ARHGEF6: variants seen among roughly 807,000 people sequenced by gnomAD.
The protein encoded by ARHGEF6 is Rac/Cdc42 guanine nucleotide exchange factor 6.
A neutral mutation model predicts 70.3 loss-of-function variants in ARHGEF6; 9 were observed. The observed-to-expected ratio is 0.13, with a 90% CI of 0.08 to 0.22. ARHGEF6 has a LOEUF of 0.22. Ranked by LOEUF, ARHGEF6 falls within the 10% of genes least tolerant of loss-of-function variation. The probability of loss-of-function intolerance (pLI) is 1.00; values close to 1 mark genes in which losing one functional copy is unlikely to be tolerated. For missense variants in ARHGEF6, 470 were observed against 563.0 expected, an observed-to-expected ratio of 0.83 and a Z score of 1.67; for synonymous variants, 201 against 207.8, an observed-to-expected ratio of 0.97 and a Z score of 0.28.
At chrX:136,729,049 TC>T (rs2076903293) in intron 6 of ARHGEF6, among the ~76,000 whole-genome samples, 1 of 47,264 alleles carries the variant, frequency 2.1e-5, no homozygotes, top group Non-Finnish European at 3.5e-5. Context: ...TCTCTCTCTC[TC>T]TCTCCTCCCC....
chrX:136,675,104 A>G lies in ARHGEF6; in HGVS notation c.1946-8T>C. The G allele has an allele frequency of 8.4e-7, 1 of 1,194,827 alleles. No individual in the cohort carries two copies. The highest frequency in any genetic ancestry group is 1.1e-6 in the Non-Finnish European group (1 of 880,371). On this transcript the variant is annotated splice_polypyrimidine_tract_variant and splice_region_variant and intron_variant, in intron 18 of 21. Transcript: ENST00000250617. ...CTTCCAGAGCAGCTGTACCTGTGAA[A>G]TTTAATTCATCATGACTTTTCATAG...
At chrX:136,763,599 T>G (rs1002416473) in intron 2 of ARHGEF6, among the ~76,000 whole-genome samples, 1 of 111,867 alleles carries the variant, frequency 8.9e-6, no homozygotes, top group Non-Finnish European at 1.9e-5. Context: ...CCAAGTCGGG[T>G]GGATCACTTG....
intron 2 of ARHGEF6, among the ~76,000 whole-genome samples, chrX:136,752,387 G>A (rs904150100): frequency 8.9e-5 from 10 of 111,867 alleles, no homozygotes; most frequent in African/African-American, 2.6e-4. Context: ...TGCCTCGTGA[G>A]CCACGATCCA....
At chrX:136,760,767 C>T (rs2077257383) in intron 2 of ARHGEF6, among the ~76,000 whole-genome samples, 1 of 111,739 alleles carries the variant, frequency 8.9e-6, no homozygotes, top group African/African-American at 3.3e-5. Flanking sequence ...TGGCAATCAT[C>T]ACCAAAAATA....
intron 10 of ARHGEF6, 97 bp downstream of exon 10, chrX:136,690,513 T>C (rs774696414): frequency 1.9e-5 from 19 of 1,000,392 alleles, no homozygotes; most frequent in Non-Finnish European, 2.5e-5. Context: ...AGACCTTGAT[T>C]CCTCTGCAAG....
intron 7 of ARHGEF6, among the ~76,000 whole-genome samples, chrX:136,712,211 C>A (rs1016190632): frequency 2.7e-5 from 3 of 111,528 alleles, no homozygotes; most frequent in African/African-American, 9.8e-5. Context: ...CAGGCTCAAG[C>A]GATTCTCCTG....
chrX:136,667,891 AGAG>A lies in ARHGEF6; in HGVS notation c.*135_*137del, dbSNP rs1952293216. ...ACATATGCACACAGCGGGGAGAGAA[AGAG>A]AAGAGAGAGGGAGAGAGAGAGAGAG... is the stretch of plus-strand genomic sequence containing the variant. On this transcript the variant is annotated 3_prime_UTR_variant, in exon 22 of 22. Transcript: ENST00000250617. 2.0e-5 allele frequency: 17 copies of A among 832,340 alleles called. No homozygotes were observed. Among genetic ancestry groups the A allele is most frequent in the Non-Finnish European group, 3.0e-5 (17 of 568,857 alleles). 68.6% of individuals were successfully genotyped at this position (832,340 alleles called of 1,213,427 possible). A position where few individuals can be genotyped will look rare whatever the true frequency, so the allele number is the denominator to read the frequency against.
intron 9 of ARHGEF6, among the ~76,000 whole-genome samples, chrX:136,700,804 A>ATCCTC (rs1173638482): frequency 8.9e-6 from 1 of 112,524 alleles, no homozygotes; most frequent in Non-Finnish European, 1.9e-5. Context: ...TCAGACTCAG[A>ATCCTC]TATGACACAA....
Position 136,703,902 on chromosome X carries a change from G to A in ARHGEF6, c.1046+3006C>T, listed in dbSNP as rs781730025. Among the ~76,000 whole-genome samples, 4 of 112,776 alleles carry A rather than the reference G, an allele frequency of 3.5e-5. No homozygotes were observed. The South Asian group carries it at 1.4e-3, about 41-fold the overall frequency. On this transcript the variant is annotated intron_variant, in intron 9 of 21. Transcript: ENST00000250617. Reference sequence around the variant, plus strand: ...TGCACACTTAATAGACTATACAGTAGAGTGTAAATATAACTTTTGTATTCA... The same window carrying A: ...TGCACACTTAATAGACTATACAGTAAAGTGTAAATATAACTTTTGTATTCA...
rs1372035939 is a variant in ARHGEF6, at chrX:136,686,631, T to TACAC, written c.1246-809_1246-808insGTGT. 2.5e-3 allele frequency among the ~76,000 whole-genome samples: 190 copies of TACAC among 76,259 alleles called. 2 individuals carry two copies. Among genetic ancestry groups the TACAC allele is most frequent in the African/African-American group, 0.012 (169 of 13,930 alleles). 66.2% of individuals were successfully genotyped at this position (76,259 alleles called of 115,157 possible). ...ATATATATATATATATACACATATA[T>TACAC]ATATATATATACACACATATATATA... is the stretch of plus-strand genomic sequence containing the variant. On this transcript the variant is annotated intron_variant, in intron 11 of 21. Coordinates refer to ENST00000250617, the MANE Select transcript of ARHGEF6 (RefSeq NM_004840.3).
intron 6 of ARHGEF6, among the ~76,000 whole-genome samples, chrX:136,718,770 C>T (rs1298617917): frequency 1.8e-5 from 2 of 110,256 alleles, no homozygotes; most frequent in African/African-American, 6.6e-5. Flanking sequence ...TTGGTACTTG[C>T]TAATTGCTAT....
At chrX:136,687,168 T>C (rs2076411808) in intron 11 of ARHGEF6, among the ~76,000 whole-genome samples, 1 of 112,049 alleles carries the variant, frequency 8.9e-6, no homozygotes, top group African/African-American at 3.2e-5. Context: ...TTTTGGCATA[T>C]AACAATGGCA....
intron 6 of ARHGEF6, among the ~76,000 whole-genome samples, chrX:136,720,450 T>G (rs2076783767): frequency 9.0e-6 from 1 of 110,710 alleles, no homozygotes; most frequent in African/African-American, 3.3e-5. Context: ...TCATGATTTT[T>G]TTTTAATTCT....
rs189833205 is a variant in ARHGEF6, at chrX:136,698,574, A to G, written c.1047-7826T>C. ...TATTAACAGCTGATTTCTCATCAGAATCTTGGAGGCCAGAAGGCAGTGGGA... is the reference window on the plus strand; with the variant it reads ...TATTAACAGCTGATTTCTCATCAGAGTCTTGGAGGCCAGAAGGCAGTGGGA... On this transcript the variant is annotated intron_variant, in intron 9 of 21. Coordinates refer to ENST00000250617, the MANE Select transcript of ARHGEF6 (RefSeq NM_004840.3). 8.6e-4 allele frequency among the ~76,000 whole-genome samples: 96 copies of G among 112,200 alleles called. 1 individual carries two copies. The highest frequency in any genetic ancestry group is 3.0e-3 in the African/African-American group (94 of 30,939).
At chrX:136,731,182 T>C (rs966448745) in intron 6 of ARHGEF6, among the ~76,000 whole-genome samples, 7 of 112,374 alleles carry the variant, frequency 6.2e-5, no homozygotes, top group African/African-American at 2.3e-4. Context: ...TCATATTCTC[T>C]ATTGCTCATG....
At position 136,727,379 on chromosome X, in the gene ARHGEF6, TTC is replaced by T. The variant is rs2076872863; in HGVS notation, c.732+4721_732+4722del. 4.8e-5 allele frequency among the ~76,000 whole-genome samples: 3 copies of T among 62,682 alleles called. No individual in the cohort carries two copies. In the Admixed American group the frequency reaches 6.0e-4, roughly 13 times the overall value. 54.4% of individuals were successfully genotyped at this position (62,682 alleles called of 115,157 possible). On this transcript the variant is annotated intron_variant, in intron 6 of 21. Coordinates refer to ENST00000250617, the MANE Select transcript of ARHGEF6 (RefSeq NM_004840.3). ...TTTCTTTCTTTCTTTCTTTCTTTCT[TTC>T]TTTCTTTCTTTCTTTCTCTCTCTCT...
chrX:136,766,222 T>C (rs2077312324), intron 2 of ARHGEF6, among the ~76,000 whole-genome samples: 1 of 112,074 alleles, frequency 8.9e-6, no homozygotes, highest in Non-Finnish European at 1.9e-5. Context: ...AGAGATCCTC[T>C]TACCATGGTC....
At position 136,734,281 on chromosome X, in the gene ARHGEF6, T is replaced by C. The variant is rs1209488243; in HGVS notation, c.662-2109A>G. 2.7e-5 allele frequency among the ~76,000 whole-genome samples: 3 copies of C among 111,602 alleles called. No homozygotes were observed. The Admixed American group carries it at 2.8e-4, about 11-fold the overall frequency. On this transcript the variant is annotated intron_variant, in intron 5 of 21. Transcript: ENST00000250617. Reference sequence around the variant, plus strand: ...CCACTGGTGGTTCATAAGGCTTTCCTGGGAAAATGTGACCACTATCAGAAA... The same window carrying C: ...CCACTGGTGGTTCATAAGGCTTTCCCGGGAAAATGTGACCACTATCAGAAA...
At chrX:136,736,056 G>A (rs1345964674) in intron 5 of ARHGEF6, among the ~76,000 whole-genome samples, 1 of 112,042 alleles carries the variant, frequency 8.9e-6, no homozygotes, top group Admixed American at 9.4e-5. Context: ...TAAAATATCT[G>A]CTCAATCACA....
Sources: allele counts gnomAD v4.1 joint callset (sites outside exome capture counted in the v4.1 genomes callset), GRCh38; gene constraint gnomAD v4.1.1; transcripts MANE v1.5; gene names NCBI Gene and HGNC (gene_info 2026-07-23, HGNC 2026-07-21).